The following CFLAR variants were observed in gnomAD, a reference collection of about 807,000 sequenced individuals.
CFLAR encodes CASP8 and FADD-like apoptosis regulator.
In CFLAR, 14 loss-of-function variants were observed where a neutral mutation model predicts 51.1. The ratio of observed to expected loss-of-function variants is 0.27; its 90% CI spans 0.18 to 0.43. The LOEUF (loss-of-function observed/expected upper bound fraction) is 0.43. Among genes scored for constraint, CFLAR ranks in the 20% least tolerant of loss-of-function variants. The pLI, the probability that CFLAR is intolerant of heterozygous loss-of-function variation, is 1.00. For synonymous variants in CFLAR, 210 were observed against 211.6 expected (o/e 0.99, Z 0.06); for missense variants, 390 against 566.5 (o/e 0.69, Z 3.16).
Position 201,151,725 on chromosome 2 carries a change from TAAA to T in CFLAR, c.793+1900_793+1902del, listed in dbSNP as rs1031191368. On this transcript the variant is annotated intron_variant, in intron 8 of 9. Transcript: ENST00000309955. ...GTATATCTGTTGTATGAGAGAATCATAAAAAAAAAAAAGCCATGACCTGCTGTG... is the reference window on the plus strand; with the variant it reads ...GTATATCTGTTGTATGAGAGAATCATAAAAAAAAAGCCATGACCTGCTGTG... 5.0e-5 allele frequency among the ~76,000 whole-genome samples: 7 copies of T among 140,220 alleles called. No individual in the cohort carries two copies. In the East Asian group the frequency reaches 6.1e-4, roughly 12 times the overall value. The allele number at this position is 140,220 out of a possible 152,430, so 92.0% of individuals were successfully genotyped here. A position where few individuals can be genotyped will look rare whatever the true frequency, so the allele number is the denominator to read the frequency against.
intron 3 of CFLAR, among the ~76,000 whole-genome samples, 188 bp from the exon 4 acceptor site, chr2:201,135,784 T>C (rs1183056163): frequency 6.6e-6 from 1 of 151,996 alleles, no homozygotes; most frequent in Non-Finnish European, 1.5e-5. Flanking sequence ...GCCAACACAC[T>C]CAGCTTATTT....
rs1293021410 is a variant in CFLAR at position 201,138,211 on chromosome 2, G to A, written c.523+2104G>A. 30 of 981,166 alleles carry A rather than the reference G, an allele frequency of 3.1e-5. No individual in the cohort carries two copies. The highest frequency in any genetic ancestry group is 1.5e-4 in the South Asian group (12 of 78,630). The allele number at this position is 981,166 out of a possible 1,614,324, so 60.8% of individuals were successfully genotyped here. On this transcript the variant is annotated intron_variant, in intron 4 of 9. Transcript: ENST00000309955. The surrounding 1 kb of genome is among the most constrained non-coding windows in gnomAD (Gnocchi z 4.0). ...TTTGTTTGATGTAATGCACCATGGC[G>A]ATCTGATACACCGAGTTCCCTTGGG...
intron 4 of CFLAR, 44 bp downstream of exon 4, chr2:201,136,151 G>T: frequency 6.2e-7 from 1 of 1,612,772 alleles, no homozygotes; most frequent in Non-Finnish European, 8.5e-7. Context: ...AGTACTCTGT[G>T]CATGGGGGTG....
chr2:201,130,187 G>GGGGGCC, intron 2 of CFLAR, 41 bp downstream of exon 2: 1 of 292,394 alleles, frequency 3.4e-6, no homozygotes, highest in Non-Finnish European at 7.1e-6. Context: ...GGGTGGGAGG[G>GGGGGCC]AGTGAAGTGT....
intron 8 of CFLAR, among the ~76,000 whole-genome samples, chr2:201,159,194 G>A (rs935111020): frequency 6.6e-6 from 1 of 151,530 alleles, no homozygotes; most frequent in East Asian, 2.0e-4. Flanking sequence ...ACTATTTAAT[G>A]GGTTATTTGC....
At chr2:201,119,866 C>T (rs1213656757) in intron 1 of CFLAR, among the ~76,000 whole-genome samples, 3 of 145,686 alleles carry the variant, frequency 2.1e-5, no homozygotes, top group Non-Finnish European at 3.0e-5. Flanking sequence ...CACACATGTG[C>T]GCTCTCAAAT....
chr2:201,149,188 A>G, intron 7 of CFLAR, 136 bp downstream of exon 7: 6 of 612,564 alleles, frequency 9.8e-6, no homozygotes, highest in Admixed American at 2.8e-5. Context: ...GAGAACTTCC[A>G]TACAAGGGAA....
At chr2:201,141,467 A>G in intron 5 of CFLAR, 1 of 1,542,646 alleles carries the variant, frequency 6.5e-7, no homozygotes, top group Non-Finnish European at 8.7e-7. Flanking sequence ...AATCATTCTG[A>G]ATGATTAAAT....
chr2:201,130,226 G>T, intron 2 of CFLAR, 80 bp downstream of exon 2: 1 of 1,338,414 alleles, frequency 7.5e-7, no homozygotes, highest in Non-Finnish European at 9.9e-7. Flanking sequence ...GCAGAAACGA[G>T]GATAATAAGA....
chr2:201,156,325 T>C (rs2125902485), intron 8 of CFLAR, among the ~76,000 whole-genome samples: 1 of 152,334 alleles, frequency 6.6e-6, no homozygotes, highest in African/African-American at 2.4e-5. Flanking sequence ...CTTGTCCACC[T>C]TGCATTTCCC....
chr2:201,136,307 A>G (rs368015208), intron 4 of CFLAR, 200 bp downstream of exon 4: 4 of 1,598,886 alleles, frequency 2.5e-6, no homozygotes, highest in Non-Finnish European at 2.5e-6. Context: ...TGCCCTGTAT[A>G]TTCATGATCT....
rs1489676662 is a variant in CFLAR at position 201,118,105 on chromosome 2, G to A, written c.-138+1624G>A. ...ACTGGGTTGAAAGGGAGTTTTTAAT[G>A]TTTACTGTTTGCTTTACATCCATTT... On this transcript the variant is annotated intron_variant, in intron 1 of 9. Transcript: ENST00000309955. This position sits in a 1 kb window ranked among gnomAD's most constrained non-coding sequence, Gnocchi z 5.1. Among the ~76,000 whole-genome samples, 1 of 152,144 alleles carries A rather than the reference G, an allele frequency of 6.6e-6. No individual in the cohort carries two copies. The highest frequency in any genetic ancestry group is 2.4e-5 in the African/African-American group (1 of 41,426).
At chr2:201,142,844 C>T (rs1939258398) in intron 5 of CFLAR, 1 of 152,166 alleles carries the variant, frequency 6.6e-6, no homozygotes, top group African/African-American at 2.4e-5. Flanking sequence ...GGTGATCTGC[C>T]CGCCTCAGCC....
At chr2:201,153,903 C>CTTTTTTTTTTTTTTTTTT (rs747813572) in intron 8 of CFLAR, among the ~76,000 whole-genome samples, 2 of 103,050 alleles carry the variant, frequency 1.9e-5, no homozygotes, top group Non-Finnish European at 3.8e-5. Context: ...TCTTTTCTTT[C>CTTTTTTTTTTTTTTTTTT]TTTTTTTTTT....
At chr2:201,132,314 T>A (rs1311925088) in intron 2 of CFLAR, among the ~76,000 whole-genome samples, 1 of 152,002 alleles carries the variant, frequency 6.6e-6, no homozygotes, top group African/African-American at 2.4e-5. Context: ...AGAGCCTAAC[T>A]GGGAAAATGG....
At position 201,138,939 on chromosome 2, in the gene CFLAR, C is replaced by T. The variant is rs542149628; in HGVS notation, c.524-1418C>T. 63 of 622,260 alleles carry T rather than the reference C, an allele frequency of 1.0e-4. 1 individual carries two copies. The African/African-American group carries it at 1.0e-3, about 10-fold the overall frequency. The allele number at this position is 622,260 out of a possible 1,614,324, so 38.5% of individuals were successfully genotyped here. ...TCATCAGCTATGAAGTCTATGAATC[C>T]TGGGAGAATCAAGAAGTCGTTGTAG... On this transcript the variant is annotated intron_variant, in intron 4 of 9. Transcript: ENST00000309955. The surrounding 1 kb of genome is among the most constrained non-coding windows in gnomAD (Gnocchi z 4.0).
chr2:201,138,812 C>A lies in CFLAR; in HGVS notation c.524-1545C>A. On this transcript the variant is annotated intron_variant, in intron 4 of 9. Transcript: ENST00000309955. The surrounding 1 kb of genome is among the most constrained non-coding windows in gnomAD (Gnocchi z 4.0). ...TGAAACCAGTACCTCCCATCAGAGC[C>A]ATCACGATGGCCAGGTCGGCCTCTG... 1 of 754,828 alleles carries A rather than the reference C, an allele frequency of 1.3e-6. No homozygotes were observed. The highest frequency in any genetic ancestry group is 2.4e-6 in the Non-Finnish European group (1 of 409,860). 46.8% of individuals were successfully genotyped at this position (754,828 alleles called of 1,614,324 possible).
intron 1 of CFLAR, among the ~76,000 whole-genome samples, chr2:201,117,659 C>G (rs2047740203): frequency 6.6e-6 from 1 of 151,516 alleles, no homozygotes; most frequent in Non-Finnish European, 1.5e-5. Flanking sequence ...ATAAGAGGAA[C>G]GGAGTTTTTG....
At chr2:201,148,933 C>A in intron 6 of CFLAR, 70 bp from the exon 7 acceptor site, 1 of 999,110 alleles carries the variant, frequency 1.0e-6, no homozygotes, top group Non-Finnish European at 1.6e-6. Flanking sequence ...TACAAAGAAA[C>A]TCAGCCAGTG....
Sources: allele counts gnomAD v4.1 joint callset (sites outside exome capture counted in the v4.1 genomes callset), GRCh38; gene constraint gnomAD v4.1.1; non-coding constraint Gnocchi (gnomAD v3.1); transcripts MANE v1.5; gene names NCBI Gene and HGNC (gene_info 2026-07-23, HGNC 2026-07-21).